Variants in ST8SIA1 observed in about 807,000 individuals in gnomAD.
ST8SIA1 encodes ST8 alpha-N-acetyl-neuraminide alpha-2,8-sialyltransferase 1, also known as alpha-N-acetylneuraminide alpha-2,8-sialyltransferase.
ST8SIA1 carries 16 observed loss-of-function variants against 35.9 expected under a neutral mutation model. The observed-to-expected ratio is 0.45, with a 90% CI of 0.30 to 0.68. The LOEUF (loss-of-function observed/expected upper bound fraction) is 0.68, where lower values mean the gene tolerates loss of function less well. Among genes scored for constraint, ST8SIA1 ranks in the 30% least tolerant of loss-of-function variants. ST8SIA1 has a pLI of 0.09. For missense variants in ST8SIA1, 383 were observed against 453.6 expected (o/e 0.84, Z 1.41); for synonymous variants, 170 against 169.6 (o/e 1.00, Z -0.02).
chr12:22,272,343 G>A (rs1449323767), intron 2 of ST8SIA1, among the ~76,000 whole-genome samples: 3 of 152,162 alleles, frequency 2.0e-5, no homozygotes, highest in African/African-American at 7.2e-5. Flanking sequence ...TCCAAGGACA[G>A]TCAAAAAGTT....
At chr12:22,240,639 T>C (rs1245454490) in intron 4 of ST8SIA1, among the ~76,000 whole-genome samples, 7 of 152,150 alleles carry the variant, frequency 4.6e-5, no homozygotes, top group East Asian at 3.9e-4. Context: ...ATTTTAAAGA[T>C]AAATTGCTGT....
At chr12:22,267,649 C>G (rs962814849) in intron 2 of ST8SIA1, among the ~76,000 whole-genome samples, 1 of 152,144 alleles carries the variant, frequency 6.6e-6, no homozygotes, top group Non-Finnish European at 1.5e-5. Flanking sequence ...TTACTTATTT[C>G]TCCTGACCTG....
At chr12:22,324,100 T>C (rs763492782) in intron 1 of ST8SIA1, among the ~76,000 whole-genome samples, 2 of 152,230 alleles carry the variant, frequency 1.3e-5, no homozygotes, top group East Asian at 1.9e-4. Flanking sequence ...ATCATAAAAA[T>C]AGTAGATAAA....
intron 1 of ST8SIA1, among the ~76,000 whole-genome samples, chr12:22,291,946 C>T (rs927759254): frequency 9.2e-5 from 14 of 151,864 alleles, no homozygotes; most frequent in African/African-American, 2.2e-4. Flanking sequence ...ATTCTGCCAA[C>T]GAATATTTAT....
At chr12:22,302,077 G>A (rs1463046126) in intron 1 of ST8SIA1, among the ~76,000 whole-genome samples, 1 of 152,038 alleles carries the variant, frequency 6.6e-6, no homozygotes, top group Non-Finnish European at 1.5e-5. Flanking sequence ...ATAGGAAACT[G>A]GAGACAGAAA....
chr12:22,314,552 T>A (rs972340767), intron 1 of ST8SIA1, among the ~76,000 whole-genome samples: 2 of 152,052 alleles, frequency 1.3e-5, no homozygotes, highest in African/African-American at 4.8e-5. Flanking sequence ...AGAAGAAAAC[T>A]CAGTTCTGGT....
intron 4 of ST8SIA1, among the ~76,000 whole-genome samples, chr12:22,210,842 A>ACC (rs1865168495): frequency 6.6e-6 from 1 of 152,198 alleles, no homozygotes; most frequent in African/African-American, 2.4e-5. Flanking sequence ...GTGTAAAAAG[A>ACC]CCATAACCTA....
chr12:22,255,699 CA>C (rs1489301412), intron 2 of ST8SIA1, among the ~76,000 whole-genome samples: 1 of 150,108 alleles, frequency 6.7e-6, no homozygotes, highest in Non-Finnish European at 1.5e-5. Flanking sequence ...AAAAAAAATA[CA>C]AAGTAAACAC....
chr12:22,213,832 A>G (rs1865202690), intron 4 of ST8SIA1, among the ~76,000 whole-genome samples: 2 of 152,204 alleles, frequency 1.3e-5, no homozygotes, highest in South Asian at 4.1e-4. Flanking sequence ...GGCTTGGGTA[A>G]CTGAGTGTGG....
chr12:22,280,862 T>C (rs925639934), intron 2 of ST8SIA1, among the ~76,000 whole-genome samples: 1 of 152,238 alleles, frequency 6.6e-6, no homozygotes, highest in Non-Finnish European at 1.5e-5. Context: ...TATCAATTCA[T>C]TGTTCAGATC....
chr12:22,303,863 C>CACACAA (rs1310032625), intron 1 of ST8SIA1, among the ~76,000 whole-genome samples: 2 of 145,490 alleles, frequency 1.4e-5, no homozygotes, highest in Non-Finnish European at 2.9e-5. Context: ...CACACACACA[C>CACACAA]ACACACACAC....
At chr12:22,251,206 T>C (rs1368069227) in intron 3 of ST8SIA1, among the ~76,000 whole-genome samples, 1 of 152,256 alleles carries the variant, frequency 6.6e-6, no homozygotes, top group African/African-American at 2.4e-5. Context: ...TCAGCTATGT[T>C]ACGCTAAAAC....
chr12:22,245,713 G>A (rs368719036), intron 4 of ST8SIA1, among the ~76,000 whole-genome samples: 1 of 152,202 alleles, frequency 6.6e-6, no homozygotes, highest in Non-Finnish European at 1.5e-5. Flanking sequence ...GCTTCAGAGT[G>A]GGGGGCTGGT....
chr12:22,301,214 T>C (rs1174003296), intron 1 of ST8SIA1, among the ~76,000 whole-genome samples: 2 of 152,022 alleles, frequency 1.3e-5, no homozygotes, highest in East Asian at 3.9e-4. Flanking sequence ...CTCTAACAAG[T>C]GCTCTTGAAT....
Position 22,333,747 on chromosome 12 carries a change from G to A in ST8SIA1, c.236+250C>T. 2.9e-6 allele frequency: 2 copies of A among 689,740 alleles called. 1 individual carries two copies. The highest frequency in any genetic ancestry group is 4.3e-5 in the Admixed American group (2 of 46,858). The allele number at this position is 689,740 out of a possible 1,614,324, so 42.7% of individuals were successfully genotyped here. Reference sequence around the variant, plus strand: ...ATTGTTAAATAAAACTCCGCTTTGGGAAGAAATGCGTCGAGTCTTTACATG... The same window carrying A: ...ATTGTTAAATAAAACTCCGCTTTGGAAAGAAATGCGTCGAGTCTTTACATG... On this transcript the variant is annotated intron_variant, in intron 1 of 4. Transcript: ENST00000396037.
At chr12:22,287,121 T>C (rs936238878) in intron 2 of ST8SIA1, 28 bp downstream of exon 2, 3 of 1,590,480 alleles carry the variant, frequency 1.9e-6, no homozygotes, top group Non-Finnish European at 2.6e-6. Flanking sequence ...TAAGAAACCA[T>C]ACTGAAGGCA....
intron 2 of ST8SIA1, among the ~76,000 whole-genome samples, chr12:22,264,240 A>ACC (rs1865822586): frequency 2.0e-5 from 3 of 152,126 alleles, no homozygotes; most frequent in Non-Finnish European, 4.4e-5. Flanking sequence ...CCTCCTTAAC[A>ACC]TATTTAATTG....
intron 4 of ST8SIA1, among the ~76,000 whole-genome samples, chr12:22,207,734 A>G (rs1174809135): frequency 6.6e-6 from 1 of 152,206 alleles, no homozygotes. Context: ...AATACCTAAC[A>G]TGATAGCTTT....
rs148726103 is a variant in ST8SIA1, at chr12:22,274,124, G to A, written c.381+13025C>T. The stretch of plus-strand genomic sequence containing the variant: ...AGTGTTTGTGAGGATATGAAAGAAG[G>A]CCAGTAAAGCAAGGTATGAGGATGA... On this transcript the variant is annotated intron_variant, in intron 2 of 4. Transcript: ENST00000396037. 1.9e-3 allele frequency among the ~76,000 whole-genome samples: 282 copies of A among 152,312 alleles called. 3 individuals are homozygous for A. The highest frequency in any genetic ancestry group is 6.4e-3 in the African/African-American group (265 of 41,570).
Sources: allele counts gnomAD v4.1 joint callset (sites outside exome capture counted in the v4.1 genomes callset), GRCh38; gene constraint gnomAD v4.1.1; transcripts MANE v1.5; gene names NCBI Gene and HGNC (gene_info 2026-07-23, HGNC 2026-07-21).